The following AK7 variants were observed in gnomAD, a reference collection of about 807,000 sequenced individuals.
AK7 encodes adenylate kinase 7.
Under a neutral mutation model 96.6 loss-of-function variants are expected in AK7, and 78 were observed. The ratio of observed to expected loss-of-function variants is 0.81; its 90% CI spans 0.67 to 0.97. The LOEUF (loss-of-function observed/expected upper bound fraction) is 0.97, where lower values mean the gene tolerates loss of function less well. AK7 is among the 50% of genes least tolerant of loss of function. AK7 has a pLI of 0.00. For synonymous variants in AK7, 302 were observed against 317.2 expected (o/e 0.95, Z 0.51); for missense variants, 855 against 887.9 (o/e 0.96, Z 0.47).
Position 96,392,166 on chromosome 14 carries a change from A to G in AK7, c.12A>G (p.Glu4=), listed in dbSNP as rs756454123. Reference sequence around the variant, plus strand: ...GCGCGGCTCCCACCATGGCTGAAGAAGAGGAAACTGCTGCTCTCACGGAGA... The same window carrying G: ...GCGCGGCTCCCACCATGGCTGAAGAGGAGGAAACTGCTGCTCTCACGGAGA... The part of the protein sequence containing the change: MAE[E]EETAALTEKV... Residue 4 remains glutamate, a synonymous_variant, in exon 1 of 18, where the codon GAA becomes GAG. Coordinates refer to ENST00000267584, the MANE Select transcript of AK7 (RefSeq NM_152327.5). 1 of 1,613,168 alleles carries G rather than the reference A, an allele frequency of 6.2e-7. No homozygotes were observed. The highest frequency in any genetic ancestry group is 2.2e-5 in the East Asian group (1 of 44,832).
At chr14:96,418,821 A>C (rs1312499120) in intron 4 of AK7, among the ~76,000 whole-genome samples, 6 of 152,170 alleles carry the variant, frequency 3.9e-5, no homozygotes, top group Admixed American at 2.0e-4. Flanking sequence ...GCCTAGCCTC[A>C]GTAGGATTTT....
intron 5 of AK7, among the ~76,000 whole-genome samples, chr14:96,433,293 A>G (rs1595407205): frequency 6.6e-6 from 1 of 152,226 alleles, no homozygotes; most frequent in East Asian, 1.9e-4. Context: ...TCTCCTCATC[A>G]CTTTCAGGTA....
At position 96,487,098 on chromosome 14, in the gene AK7, G is replaced by A. The variant is rs1400290956; in HGVS notation, c.2133+42G>A. ...TTAAAAAAAGATCAATTTGAGTTTGGGTGTGGCGGCTTACACCTGTAATCC... is the reference window on the plus strand; with the variant it reads ...TTAAAAAAAGATCAATTTGAGTTTGAGTGTGGCGGCTTACACCTGTAATCC... On this transcript the variant is annotated intron_variant, in intron 17 of 17. Transcript: ENST00000267584. 3 of 1,604,810 alleles carry A rather than the reference G, an allele frequency of 1.9e-6. No individual in the cohort carries two copies. In the South Asian group the frequency reaches 3.3e-5, roughly 18 times the overall value.
At chr14:96,446,435 G>C in intron 7 of AK7, 82 bp from the exon 8 acceptor site, 2 of 1,185,436 alleles carry the variant, frequency 1.7e-6, no homozygotes, top group South Asian at 2.5e-5. Context: ...CCCAGCCATG[G>C]GGGTGGTGGT....
intron 7 of AK7, among the ~76,000 whole-genome samples, chr14:96,446,125 G>C (rs1247708587): frequency 2.6e-5 from 4 of 152,146 alleles, no homozygotes; most frequent in African/African-American, 9.7e-5. Flanking sequence ...GCATTGTTGT[G>C]AGGCTCACAC....
At chr14:96,410,607 G>A (rs1434724577) in intron 4 of AK7, among the ~76,000 whole-genome samples, 1 of 152,224 alleles carries the variant, frequency 6.6e-6, no homozygotes, top group Non-Finnish European at 1.5e-5. Context: ...TGGCTCCTGT[G>A]TTAGCTCCTG....
intron 7 of AK7, 95 bp downstream of exon 7, chr14:96,442,913 C>T (rs1893036971): frequency 9.3e-7 from 1 of 1,078,796 alleles, no homozygotes; most frequent in Admixed American, 1.8e-5. Flanking sequence ...GTGCTAAGAC[C>T]CTTACATGGA....
intron 2 of AK7, among the ~76,000 whole-genome samples, chr14:96,402,329 G>T (rs917564753): frequency 6.6e-6 from 1 of 152,054 alleles, no homozygotes; most frequent in Non-Finnish European, 1.5e-5. Flanking sequence ...GCACAAAAAT[G>T]GTCAGTCCCC....
intron 12 of AK7, among the ~76,000 whole-genome samples, chr14:96,470,758 G>A (rs1339775810): frequency 5.3e-5 from 8 of 152,156 alleles, no homozygotes; most frequent in Admixed American, 3.9e-4. Flanking sequence ...ATTATGTGCT[G>A]GCAACAAACA....
At chr14:96,449,516 C>G (rs1348995811) in intron 8 of AK7, among the ~76,000 whole-genome samples, 2 of 152,184 alleles carry the variant, frequency 1.3e-5, no homozygotes, top group African/African-American at 4.8e-5. Flanking sequence ...TCACTGCAAC[C>G]TCTGTCTCTC....
intron 12 of AK7, among the ~76,000 whole-genome samples, chr14:96,465,907 G>A (rs549520598): frequency 1.7e-4 from 25 of 150,940 alleles, no homozygotes; most frequent in Admixed American, 1.1e-3. Context: ...CTACTCGGGG[G>A]ACTGAGGCAG....
Position 96,418,810 on chromosome 14 carries a change from C to T in AK7, c.499-2012C>T, listed in dbSNP as rs184805738. On this transcript the variant is annotated intron_variant, in intron 4 of 17. Coordinates refer to ENST00000267584, the MANE Select transcript of AK7 (RefSeq NM_152327.5). ...CTGGGATTACAGGCATGGGCCACCT[C>T]GCCTAGCCTCAGTAGGATTTTCATT... Among the ~76,000 whole-genome samples the T allele has an allele frequency of 2.5e-3, 376 of 152,350 alleles. 1 individual carries two copies. Among genetic ancestry groups the T allele is most frequent in the Admixed American group, 5.0e-3 (77 of 15,298 alleles).
chr14:96,481,861 C>T (rs1451683363), intron 15 of AK7, among the ~76,000 whole-genome samples: 5 of 151,832 alleles, frequency 3.3e-5, no homozygotes, highest in Non-Finnish European at 7.4e-5. Context: ...TGCACCACCA[C>T]ACCAGGCTAA....
chr14:96,480,713 G>A (rs1269243301), intron 15 of AK7, among the ~76,000 whole-genome samples: 1 of 152,144 alleles, frequency 6.6e-6, no homozygotes, highest in Non-Finnish European at 1.5e-5. Context: ...GAGAGCCCAG[G>A]AGAAATGTTG....
chr14:96,414,273 A>T (rs1202457672), intron 4 of AK7, among the ~76,000 whole-genome samples: 1 of 152,188 alleles, frequency 6.6e-6, no homozygotes, highest in Non-Finnish European at 1.5e-5. Context: ...AAGATTATGC[A>T]TGGGAAGCTT....
chr14:96,456,447 A>T lies in AK7; in HGVS notation c.1199A>T (p.Asp400Val). 1.9e-6 allele frequency: 3 copies of T among 1,613,840 alleles called. No homozygotes were observed. Among genetic ancestry groups the T allele is most frequent in the Middle Eastern group, 1.6e-4 (1 of 6,062 alleles). Residue 400 changes from aspartate (D) to valine (V), a missense_variant, in exon 11 of 18, where the codon GAT (aspartate) becomes GTT (valine). Transcript: ENST00000267584. ...AAACTGCATCACATCCAACTGAAGG[A>T]TGTCATTTCTGAAGCCATAGCAAAA... ...YYKLHHIQLK[D>V]VISEAIAKLE...
chr14:96,479,417 T>C (rs1288804196), intron 15 of AK7, among the ~76,000 whole-genome samples: 1 of 150,918 alleles, frequency 6.6e-6, no homozygotes, highest in Non-Finnish European at 1.5e-5. Context: ...AATGTGTGTA[T>C]GGTGCTGGCT....
intron 14 of AK7, among the ~76,000 whole-genome samples, chr14:96,475,450 G>A (rs533194752): frequency 6.6e-5 from 10 of 152,158 alleles, no homozygotes; most frequent in Admixed American, 2.6e-4. Context: ...ACAGTGAACC[G>A]TTCGGGACTG....
At chr14:96,414,023 TTGGGATG>T (rs1202918668) in intron 4 of AK7, among the ~76,000 whole-genome samples, 1 of 152,178 alleles carries the variant, frequency 6.6e-6, no homozygotes, top group African/African-American at 2.4e-5. Flanking sequence ...CAATCCAATT[TTGGGATG>T]TGGGATGTAA....
Sources: allele counts gnomAD v4.1 joint callset (sites outside exome capture counted in the v4.1 genomes callset), GRCh38; gene constraint gnomAD v4.1.1; transcripts MANE v1.5; gene names NCBI Gene and HGNC (gene_info 2026-07-23, HGNC 2026-07-21).